Variants in CATSPERB observed in about 807,000 individuals in gnomAD.
CATSPERB encodes the protein cation channel sperm-associated auxiliary subunit beta.
Under a neutral mutation model 128.3 loss-of-function variants are expected in CATSPERB, and 93 were observed. The observed-to-expected ratio is 0.72, with a 90% CI of 0.61 to 0.86. The LOEUF (loss-of-function observed/expected upper bound fraction) is 0.86. Ranked by LOEUF, CATSPERB falls within the 40% of genes least tolerant of loss-of-function variation. The pLI, the probability that CATSPERB is intolerant of heterozygous loss-of-function variation, is 0.00. For missense variants in CATSPERB, 1,153 were observed against 1,329.5 expected, an observed-to-expected ratio of 0.87 and a Z score of 2.06; for synonymous variants, 381 against 448.8, an observed-to-expected ratio of 0.85 and a Z score of 1.91.
At position 91,707,785 on chromosome 14, in the gene CATSPERB, T is replaced by A. The variant is rs1318529108; in HGVS notation, c.466+356A>T. Among the ~76,000 whole-genome samples the A allele has an allele frequency of 2.3e-4, 35 of 149,286 alleles. No individual in the cohort carries two copies. The East Asian group carries it at 5.9e-3, about 25-fold the overall frequency. On this transcript the variant is annotated intron_variant, in intron 6 of 26. Transcript: ENST00000256343. Reference sequence around the variant, plus strand: ...GGTTAACTTTTTTTTTTTTTTTTTTTAAGTAGAGATGGAGTTTCACCATGT... The same window carrying A: ...GGTTAACTTTTTTTTTTTTTTTTTTAAAGTAGAGATGGAGTTTCACCATGT...
chr14:91,694,207 G>A (rs183265100), intron 7 of CATSPERB, among the ~76,000 whole-genome samples: 2 of 152,264 alleles, frequency 1.3e-5, no homozygotes, highest in Non-Finnish European at 2.9e-5. Context: ...CACTTTGAGA[G>A]GCCAAGGCAG....
At chr14:91,595,321 AT>A (rs1395428041) in intron 22 of CATSPERB, among the ~76,000 whole-genome samples, 2 of 150,984 alleles carry the variant, frequency 1.3e-5, no homozygotes, top group African/African-American at 4.9e-5. Context: ...TTTATTTTTA[AT>A]TTATTTATTT....
chr14:91,610,799 A>G, intron 20 of CATSPERB, 122 bp from the exon 21 acceptor site: 3 of 896,050 alleles, frequency 3.3e-6, no homozygotes, highest in Non-Finnish European at 5.1e-6. Flanking sequence ...CTGTATTTGG[A>G]GATAGGGCCT....
chr14:91,619,085 T>C (rs1025525850), intron 19 of CATSPERB, among the ~76,000 whole-genome samples: 1 of 152,188 alleles, frequency 6.6e-6, no homozygotes, highest in African/African-American at 2.4e-5. Flanking sequence ...TCAGTATATT[T>C]TAAAGGGAAA....
At chr14:91,637,006 G>C (rs977664308) in intron 16 of CATSPERB, among the ~76,000 whole-genome samples, 1 of 152,202 alleles carries the variant, frequency 6.6e-6, no homozygotes, top group East Asian at 1.9e-4. Context: ...GACAGCTGCT[G>C]TCTGAGTCTC....
chr14:91,674,086 A>G (rs1351410400), intron 12 of CATSPERB, 90 bp downstream of exon 12: 3 of 745,774 alleles, frequency 4.0e-6, no homozygotes, highest in East Asian at 5.3e-5. Context: ...TTCAGTCTGT[A>G]GAATTGCCAT....
chr14:91,656,124 TA>T (rs1182122710), intron 15 of CATSPERB, among the ~76,000 whole-genome samples: 2 of 151,820 alleles, frequency 1.3e-5, no homozygotes, highest in African/African-American at 4.8e-5. Flanking sequence ...TTTTCTGAGA[TA>T]AAAAAAGAAA....
intron 22 of CATSPERB, among the ~76,000 whole-genome samples, chr14:91,598,857 C>CAGA (rs1555359439): frequency 2.5e-4 from 27 of 110,056 alleles, no homozygotes; most frequent in African/African-American, 6.7e-4. Flanking sequence ...GACTCTGTCT[C>CAGA]AAAAAAAAAA....
At chr14:91,587,673 G>A (rs1480521090) in intron 25 of CATSPERB, among the ~76,000 whole-genome samples, 1 of 151,806 alleles carries the variant, frequency 6.6e-6, no homozygotes, top group Non-Finnish European at 1.5e-5. Flanking sequence ...CAGAAGATGT[G>A]CTCGTCCATA....
chr14:91,663,864 G>A (rs1894931989), intron 14 of CATSPERB, among the ~76,000 whole-genome samples: 1 of 151,936 alleles, frequency 6.6e-6, no homozygotes, highest in South Asian at 2.1e-4. Context: ...TATTTACATT[G>A]TAGTGGAAGA....
At chr14:91,662,398 A>T (rs1367064741) in intron 14 of CATSPERB, among the ~76,000 whole-genome samples, 1 of 152,112 alleles carries the variant, frequency 6.6e-6, no homozygotes, top group Admixed American at 6.6e-5. Context: ...TTGCTTTTTC[A>T]TTTCCATATA....
chr14:91,584,755 CT>C (rs1178043568), intron 26 of CATSPERB, among the ~76,000 whole-genome samples: 1 of 152,174 alleles, frequency 6.6e-6, no homozygotes, highest in Non-Finnish European at 1.5e-5. Context: ...TCTTTTGCCT[CT>C]GTGGTTTCTG....
rs188392741 is a variant in CATSPERB at position 91,647,201 on chromosome 14, T to C, written c.1433-7951A>G. ...TCTCTCTTTTTCTTTTCCTACTCAC[T>C]TAACAAGACGACTTTGTTGTATTCC... is the stretch of plus-strand genomic sequence containing the variant. On this transcript the variant is annotated intron_variant, in intron 15 of 26. Coordinates refer to ENST00000256343, the MANE Select transcript of CATSPERB (RefSeq NM_024764.4). Among the ~76,000 whole-genome samples, 12 of 152,344 alleles carry C rather than the reference T, an allele frequency of 7.9e-5. No individual in the cohort carries two copies. The East Asian group carries it at 2.3e-3, about 29-fold the overall frequency.
At chr14:91,625,365 T>G (rs1298280796) in intron 17 of CATSPERB, among the ~76,000 whole-genome samples, 2 of 152,152 alleles carry the variant, frequency 1.3e-5, no homozygotes, top group Non-Finnish European at 2.9e-5. Context: ...TGATTCCATG[T>G]CTATTATTAT....
chr14:91,674,474 C>T (rs1895155462), intron 11 of CATSPERB, among the ~76,000 whole-genome samples: 1 of 152,000 alleles, frequency 6.6e-6, no homozygotes, highest in Middle Eastern at 3.4e-3. Flanking sequence ...TTATTTTAGG[C>T]CATTAACTTA....
At position 91,721,401 on chromosome 14, in the gene CATSPERB, G is replaced by T. The variant is rs144636073; in HGVS notation, c.309+1648C>A. Among the ~76,000 whole-genome samples the T allele has an allele frequency of 8.8e-3, 1,341 of 152,114 alleles. 7 individuals carry two copies. Among genetic ancestry groups the T allele is most frequent in the Middle Eastern group, 0.054 (16 of 294 alleles). ...AAACACGAATACCCAAACTAAAAAT[G>T]GGCATATAATTTGAATAGATATTTC... On this transcript the variant is annotated intron_variant, in intron 4 of 26. Coordinates refer to ENST00000256343, the MANE Select transcript of CATSPERB (RefSeq NM_024764.4).
chr14:91,634,509 C>T (rs986516447), intron 17 of CATSPERB, among the ~76,000 whole-genome samples: 2 of 151,774 alleles, frequency 1.3e-5, no homozygotes, highest in Non-Finnish European at 2.9e-5. Context: ...AATCCCACTA[C>T]TGGTTATCTA....
chr14:91,621,527 G>T, intron 19 of CATSPERB, 81 bp downstream of exon 19: 3 of 1,121,200 alleles, frequency 2.7e-6, no homozygotes, highest in Non-Finnish European at 3.8e-6. Context: ...GATAAAGTCA[G>T]TCAGTATCAA....
chr14:91,601,124 ATCTTAAAATTTTTTGATACT>A (rs1164637141), intron 22 of CATSPERB, among the ~76,000 whole-genome samples: 1 of 152,218 alleles, frequency 6.6e-6, no homozygotes, highest in African/African-American at 2.4e-5. Context: ...TCCATTTAGA[ATCTTAAAATTTTTTGATACT>A]TCCTTTAAAC....
Sources: allele counts gnomAD v4.1 joint callset (sites outside exome capture counted in the v4.1 genomes callset), GRCh38; gene constraint gnomAD v4.1.1; transcripts MANE v1.5; gene names NCBI Gene and HGNC (gene_info 2026-07-23, HGNC 2026-07-21).